Variants in QSOX2 observed in about 807,000 individuals in gnomAD.
QSOX2 encodes sulfhydryl oxidase 2.
QSOX2 carries 46 observed loss-of-function variants against 61.7 expected under a neutral mutation model. The ratio of observed to expected loss-of-function variants is 0.75; its 90% CI spans 0.59 to 0.95. The LOEUF (loss-of-function observed/expected upper bound fraction) is 0.95, where lower values mean the gene tolerates loss of function less well. Among genes scored for constraint, QSOX2 ranks in the 40% least tolerant of loss-of-function variants. The probability of loss-of-function intolerance (pLI) is 0.00; values close to 1 mark genes in which losing one functional copy is unlikely to be tolerated. For synonymous variants in QSOX2, 383 were observed against 388.4 expected (o/e 0.99, Z 0.16); for missense variants, 879 against 918.9 (o/e 0.96, Z 0.56).
rs755000355 is a variant in QSOX2, at chr9:136,222,635, CA to C, written c.676-695del. On this transcript the variant is annotated intron_variant, in intron 5 of 11. Transcript: ENST00000358701. The surrounding 1 kb of genome is among the most constrained non-coding windows in gnomAD (Gnocchi z 6.9). ...GAAGAGCTGATCGCTACTCTGGGGC[CA>C]CACTGGTCTCTGCTCTGGGCCATGC... 8.5e-5 allele frequency among the ~76,000 whole-genome samples: 13 copies of C among 152,204 alleles called. No individual in the cohort carries two copies. The highest frequency in any genetic ancestry group is 1.8e-4 in the Non-Finnish European group (12 of 68,040).
chr9:136,209,539 C>T lies in QSOX2; in HGVS notation c.1550-264G>A, dbSNP rs895369483. On this transcript the variant is annotated intron_variant, in intron 11 of 11. Transcript: ENST00000358701. This position sits in a 1 kb window ranked among gnomAD's most constrained non-coding sequence, Gnocchi z 5.6. ...TGCAAGTGAGGAGACGCTACACGCT[C>T]GGCCTCCGCCACTTCCCAGACCACA... 1.1e-5 allele frequency: 11 copies of T among 985,386 alleles called. No homozygotes were observed. The highest frequency in any genetic ancestry group is 1.7e-5 in the African/African-American group (1 of 57,372). The allele number at this position is 985,386 out of a possible 1,614,324, so 61.0% of individuals were successfully genotyped here.
At chr9:136,234,006 C>T (rs1318525252) in intron 1 of QSOX2, among the ~76,000 whole-genome samples, 5 of 152,342 alleles carry the variant, frequency 3.3e-5, no homozygotes, top group African/African-American at 1.2e-4. Flanking sequence ...CTACTGCCTC[C>T]ACCTCCTCTG....
intron 1 of QSOX2, among the ~76,000 whole-genome samples, chr9:136,244,525 T>TA (rs1376416483): frequency 6.6e-6 from 1 of 152,218 alleles, no homozygotes; most frequent in African/African-American, 2.4e-5. Flanking sequence ...AGCAATTTGT[T>TA]ACAGATCTTG....
chr9:136,218,569 G>T, intron 8 of QSOX2, 110 bp downstream of exon 8: 1 of 1,312,356 alleles, frequency 7.6e-7, no homozygotes, highest in Non-Finnish European at 1.0e-6. Context: ...GCAAGGTGGA[G>T]AGCACCTCAG....
At chr9:136,215,846 C>T (rs1229030650) in intron 9 of QSOX2, among the ~76,000 whole-genome samples, 1 of 152,188 alleles carries the variant, frequency 6.6e-6, no homozygotes. Flanking sequence ...GACTCCTGAG[C>T]CCAGGACGTG....
chr9:136,226,946 C>G (rs1830288024), intron 1 of QSOX2, 72 bp from the exon 2 acceptor site: 2 of 1,335,498 alleles, frequency 1.5e-6, no homozygotes, highest in East Asian at 4.6e-5. Flanking sequence ...CCAGCAGTCC[C>G]CACTCCAGGC....
chr9:136,210,553 G>A, intron 11 of QSOX2: 1 of 985,476 alleles, frequency 1.0e-6, no homozygotes, highest in South Asian at 4.7e-5. Context: ...CGCTGACCGA[G>A]GGAACAAACC....
Position 136,216,520 on chromosome 9 carries a change from G to C in QSOX2, c.1209+80C>G. 3 of 1,571,936 alleles carry C rather than the reference G, an allele frequency of 1.9e-6. No individual in the cohort carries two copies. In the South Asian group the frequency reaches 3.4e-5, roughly 18 times the overall value. ...CAGCGGAGCCCGGGCCCCGAGCAGG[G>C]AGATGCACCAGCTAAGGGCAAGGGA... On this transcript the variant is annotated intron_variant, in intron 9 of 11. Coordinates refer to ENST00000358701, the MANE Select transcript of QSOX2 (RefSeq NM_181701.4).
Position 136,222,134 on chromosome 9 carries a change from C to G in QSOX2, c.676-193G>C, listed in dbSNP as rs946106143. 6.6e-6 allele frequency among the ~76,000 whole-genome samples: 1 copy of G among 152,240 alleles called. No individual in the cohort carries two copies. The highest frequency in any genetic ancestry group is 1.5e-5 in the Non-Finnish European group (1 of 68,048). ...CAACTGACGGCACACACGCCATGAG[C>G]AGAAACCACGGTCTTATTCGGCAAT... On this transcript the variant is annotated intron_variant, in intron 5 of 11. Transcript: ENST00000358701. The surrounding 1 kb of genome is among the most constrained non-coding windows in gnomAD (Gnocchi z 6.9).
intron 1 of QSOX2, among the ~76,000 whole-genome samples, chr9:136,233,983 G>C (rs10117323): frequency 6.6e-6 from 1 of 152,188 alleles, no homozygotes; most frequent in Admixed American, 6.5e-5. Flanking sequence ...CACGGAACAC[G>C]CCTGCCTCCC....
intron 1 of QSOX2, among the ~76,000 whole-genome samples, chr9:136,227,422 C>A (rs1830292592): frequency 6.6e-6 from 1 of 152,156 alleles, no homozygotes; most frequent in Non-Finnish European, 1.5e-5. Flanking sequence ...AACACCTATG[C>A]CATTTTGGGG....
chr9:136,241,526 G>A (rs956604325), intron 1 of QSOX2, among the ~76,000 whole-genome samples: 4 of 152,098 alleles, frequency 2.6e-5, no homozygotes, highest in African/African-American at 7.2e-5. Context: ...AAGAGATGTC[G>A]GATGTGTCCA....
chr9:136,226,689 C>G, intron 2 of QSOX2, 85 bp downstream of exon 2: 3 of 1,133,880 alleles, frequency 2.6e-6, no homozygotes, highest in Non-Finnish European at 4.0e-6. Flanking sequence ...TGGCGAATTT[C>G]AACAGACAAG....
intron 1 of QSOX2, among the ~76,000 whole-genome samples, chr9:136,228,938 T>C (rs566014621): frequency 6.6e-6 from 1 of 152,378 alleles, no homozygotes; most frequent in Non-Finnish European, 1.5e-5. Flanking sequence ...CCAGAGGTTC[T>C]GTTAAAAGCA....
At chr9:136,232,138 G>A (rs928436012) in intron 1 of QSOX2, among the ~76,000 whole-genome samples, 4 of 152,224 alleles carry the variant, frequency 2.6e-5, no homozygotes, top group African/African-American at 7.2e-5. Flanking sequence ...TCTCATCCAC[G>A]TTATAAGGAA....
chr9:136,230,149 C>T (rs977063331), intron 1 of QSOX2, among the ~76,000 whole-genome samples: 2 of 152,094 alleles, frequency 1.3e-5, no homozygotes, highest in East Asian at 1.9e-4. Context: ...CGTGGTGGTG[C>T]GTGCCTGTAG....
rs1222313544 is a variant in QSOX2 at position 136,223,680 on chromosome 9, G to C, written c.675+83C>G. 9.6e-7 allele frequency: 1 copy of C among 1,038,520 alleles called. No homozygotes were observed. The highest frequency in any genetic ancestry group is 1.6e-5 in the African/African-American group (1 of 63,154). The allele number at this position is 1,038,520 out of a possible 1,614,324, so 64.3% of individuals were successfully genotyped here. On this transcript the variant is annotated intron_variant, in intron 5 of 11. Coordinates refer to ENST00000358701, the MANE Select transcript of QSOX2 (RefSeq NM_181701.4). The surrounding 1 kb of genome is among the most constrained non-coding windows in gnomAD (Gnocchi z 4.4). ...GACACGAGATGCCGACACAGTGACC[G>C]GCACCTGCAAATCTCATCACAGATC...
chr9:136,223,984 G>A lies in QSOX2; in HGVS notation c.584+23C>T, dbSNP rs772756277. On this transcript the variant is annotated intron_variant, in intron 4 of 11. Transcript: ENST00000358701. The surrounding 1 kb of genome is among the most constrained non-coding windows in gnomAD (Gnocchi z 4.4). The stretch of plus-strand genomic sequence containing the variant: ...ACAGTTCAACACGAGTCTAACGGCC[G>A]CCTTCTTCATGGAGCTACTCACTGA... 2.5e-5 allele frequency: 40 copies of A among 1,600,306 alleles called. No individual in the cohort carries two copies. The highest frequency in any genetic ancestry group is 1.7e-4 in the Middle Eastern group (1 of 6,052).
rs564075527 is a variant in QSOX2, at chr9:136,221,708, C to A, written c.821+88G>T. 7.1e-7 allele frequency: 1 copy of A among 1,410,856 alleles called. No individual in the cohort carries two copies. The highest frequency in any genetic ancestry group is 9.4e-7 in the Non-Finnish European group (1 of 1,060,066). The allele number at this position is 1,410,856 out of a possible 1,614,324, so 87.4% of individuals were successfully genotyped here. On this transcript the variant is annotated intron_variant, in intron 6 of 11. Transcript: ENST00000358701. The surrounding 1 kb of genome is among the most constrained non-coding windows in gnomAD (Gnocchi z 4.5). ...GCGGAGGGGCCAGGGCTCCCCCGAT[C>A]TCACACCAGACTTGCACTGTCTACT...
Sources: allele counts gnomAD v4.1 joint callset (sites outside exome capture counted in the v4.1 genomes callset), GRCh38; gene constraint gnomAD v4.1.1; non-coding constraint Gnocchi (gnomAD v3.1); transcripts MANE v1.5; gene names NCBI Gene and HGNC (gene_info 2026-07-23, HGNC 2026-07-21).